The following UBAC2 variants were observed in gnomAD, a reference collection of about 807,000 sequenced individuals.
UBAC2 encodes UBA domain containing 2.
A neutral mutation model predicts 44.0 loss-of-function variants in UBAC2; 26 were observed. The ratio of observed to expected loss-of-function variants is 0.59; its 90% CI spans 0.43 to 0.82. The LOEUF is 0.82. UBAC2 is among the 40% of genes least tolerant of loss of function. UBAC2 has a pLI of 0.00. For synonymous variants in UBAC2, 155 were observed against 154.3 expected (o/e 1.00, Z -0.04); for missense variants, 329 against 419.4 (o/e 0.78, Z 1.88).
At chr13:99,223,468 A>C (rs1393982186) in intron 1 of UBAC2, among the ~76,000 whole-genome samples, 2 of 138,238 alleles carry the variant, frequency 1.4e-5, no homozygotes, top group African/African-American at 5.5e-5. Flanking sequence ...TTTCCATTTC[A>C]TTGATTTCTA....
chr13:99,246,653 T>TC, intron 4 of UBAC2, among the ~76,000 whole-genome samples: 1 of 152,338 alleles, frequency 6.6e-6, no homozygotes, highest in African/African-American at 2.4e-5. Context: ...AATTTTGGAA[T>TC]CCCATTAACT....
At chr13:99,267,915 G>T (rs2043764253) in intron 4 of UBAC2, among the ~76,000 whole-genome samples, 1 of 152,190 alleles carries the variant, frequency 6.6e-6, no homozygotes, top group South Asian at 2.1e-4. Flanking sequence ...ACCACCCTGT[G>T]GGGTAGGCAG....
intron 7 of UBAC2, among the ~76,000 whole-genome samples, chr13:99,358,499 A>G (rs540129329): frequency 6.6e-6 from 1 of 152,212 alleles, no homozygotes; most frequent in Non-Finnish European, 1.5e-5. Context: ...TTGGGAAAAC[A>G]TGGTTATTTT....
At chr13:99,207,785 C>T (rs937593616) in intron 1 of UBAC2, among the ~76,000 whole-genome samples, 2 of 152,162 alleles carry the variant, frequency 1.3e-5, no homozygotes, top group East Asian at 1.9e-4. Context: ...TCTCCACCTT[C>T]GTTCCAGCTT....
At chr13:99,215,173 C>G (rs2042977578) in intron 1 of UBAC2, among the ~76,000 whole-genome samples, 1 of 152,136 alleles carries the variant, frequency 6.6e-6, no homozygotes, top group Non-Finnish European at 1.5e-5. Flanking sequence ...TCCTTGAAGC[C>G]ACAGTATCAC....
At chr13:99,326,556 A>G (rs1253809053) in intron 6 of UBAC2, among the ~76,000 whole-genome samples, 1 of 152,218 alleles carries the variant, frequency 6.6e-6, no homozygotes, top group Admixed American at 6.5e-5. Flanking sequence ...TCTGTACTAT[A>G]AAACATTATA....
At chr13:99,302,104 C>T (rs1275425153) in intron 4 of UBAC2, among the ~76,000 whole-genome samples, 1 of 152,128 alleles carries the variant, frequency 6.6e-6, no homozygotes, top group Non-Finnish European at 1.5e-5. Context: ...TCAATGTGCC[C>T]ACAGTGGATG....
intron 4 of UBAC2, among the ~76,000 whole-genome samples, chr13:99,269,706 G>A (rs539048427): frequency 1.6e-4 from 24 of 152,134 alleles, no homozygotes; most frequent in Admixed American, 4.6e-4. Context: ...TTATTACTAC[G>A]AATTCTTACA....
intron 1 of UBAC2, among the ~76,000 whole-genome samples, chr13:99,218,150 A>G (rs1415366073): frequency 6.6e-5 from 10 of 152,156 alleles, no homozygotes; most frequent in African/African-American, 2.2e-4. Context: ...ATTTCATTAT[A>G]ATTACATTTC....
Position 99,295,849 on chromosome 13 carries a change from G to A in UBAC2, c.390-18248G>A, listed in dbSNP as rs371593828. On this transcript the variant is annotated intron_variant, in intron 4 of 8. Coordinates refer to ENST00000403766, the MANE Select transcript of UBAC2 (RefSeq NM_001144072.2). The surrounding 1 kb of genome is among the most constrained non-coding windows in gnomAD (Gnocchi z 4.1). ...CAGTTATCCTACACAAGGCATCTCC[G>A]ATTCTCCAGTCAAAGCCCATTGCAT... 37 of 1,605,754 alleles carry A rather than the reference G, an allele frequency of 2.3e-5. No homozygotes were observed. The East Asian group carries it at 3.1e-4, about 14-fold the overall frequency.
intron 4 of UBAC2, among the ~76,000 whole-genome samples, chr13:99,249,052 G>T (rs1192142081): frequency 6.6e-6 from 1 of 152,092 alleles, no homozygotes; most frequent in Non-Finnish European, 1.5e-5. Flanking sequence ...AGATTCAGGG[G>T]GTACATGTGA....
intron 1 of UBAC2, among the ~76,000 whole-genome samples, chr13:99,221,041 C>CA (rs2043047334): frequency 6.6e-6 from 1 of 152,046 alleles, no homozygotes; most frequent in South Asian, 2.1e-4. Context: ...TTCCAAGGTA[C>CA]AAAATATTTT....
intron 6 of UBAC2, among the ~76,000 whole-genome samples, chr13:99,329,165 C>T (rs1368584314): frequency 1.3e-5 from 2 of 152,174 alleles, no homozygotes; most frequent in African/African-American, 4.8e-5. Context: ...TGTCCTTACG[C>T]CAATACCACA....
chr13:99,351,483 G>T (rs763653418), intron 7 of UBAC2: 2 of 455,052 alleles, frequency 4.4e-6, no homozygotes, highest in South Asian at 3.1e-5. Flanking sequence ...GCCCTTTACA[G>T]AAAAATATTT....
intron 4 of UBAC2, among the ~76,000 whole-genome samples, chr13:99,308,344 A>G (rs1323579952): frequency 6.6e-6 from 1 of 152,182 alleles, no homozygotes; most frequent in Non-Finnish European, 1.5e-5. Context: ...CTTTGTAGGC[A>G]TAGGGTCATT....
chr13:99,211,899 A>G (rs1368850140), intron 1 of UBAC2, among the ~76,000 whole-genome samples: 3 of 152,154 alleles, frequency 2.0e-5, no homozygotes, highest in South Asian at 2.1e-4. Context: ...CCTTGGGACC[A>G]TGGCAGCCTC....
chr13:99,273,313 G>T (rs2043841361), intron 4 of UBAC2, among the ~76,000 whole-genome samples: 1 of 152,060 alleles, frequency 6.6e-6, no homozygotes, highest in African/African-American at 2.4e-5. Flanking sequence ...AACCACTTTG[G>T]CAGAGTCAGA....
At chr13:99,279,232 C>G (rs1329407417) in intron 4 of UBAC2, among the ~76,000 whole-genome samples, 2 of 152,050 alleles carry the variant, frequency 1.3e-5, no homozygotes, top group Non-Finnish European at 2.9e-5. Flanking sequence ...GTTAGCCCTA[C>G]CGGGGATTTT....
intron 1 of UBAC2, among the ~76,000 whole-genome samples, chr13:99,236,403 G>T (rs770790611): frequency 1.4e-4 from 22 of 152,156 alleles, no homozygotes; most frequent in Non-Finnish European, 2.9e-4. Context: ...GTGGGCAAAA[G>T]ATCTGAATAG....
Sources: allele counts gnomAD v4.1 joint callset (sites outside exome capture counted in the v4.1 genomes callset), GRCh38; gene constraint gnomAD v4.1.1; non-coding constraint Gnocchi (gnomAD v3.1); transcripts MANE v1.5; gene names NCBI Gene and HGNC (gene_info 2026-07-23, HGNC 2026-07-21).